Variants in MARCHF10 observed in about 807,000 individuals in gnomAD.
MARCHF10 encodes probable E3 ubiquitin-protein ligase MARCHF10.
A neutral mutation model predicts 76.2 loss-of-function variants in MARCHF10; 64 were observed. The observed-to-expected ratio is 0.84, with a 90% CI of 0.69 to 1.03. The LOEUF is 1.03. Ranked by LOEUF, MARCHF10 falls within the 50% of genes least tolerant of loss-of-function variation. The pLI is 0.00. For missense variants in MARCHF10, 875 were observed against 958.0 expected (o/e 0.91, Z 1.14); for synonymous variants, 340 against 357.5 (o/e 0.95, Z 0.55).
intron 5 of MARCHF10, among the ~76,000 whole-genome samples, chr17:62,743,303 AAC>A (rs1453525645): frequency 6.6e-6 from 1 of 152,166 alleles, no homozygotes; most frequent in Non-Finnish European, 1.5e-5. Context: ...TCAAAATACT[AAC>A]ACATTCTTCA....
intron 4 of MARCHF10, among the ~76,000 whole-genome samples, chr17:62,752,559 A>G (rs2091927910): frequency 6.6e-6 from 1 of 150,876 alleles, no homozygotes; most frequent in Non-Finnish European, 1.5e-5. Context: ...CCTTATCCCT[A>G]CATCCAAGTC....
At chr17:62,796,428 A>G (rs2092986953) in intron 2 of MARCHF10, among the ~76,000 whole-genome samples, 1 of 152,226 alleles carries the variant, frequency 6.6e-6, no homozygotes, top group African/African-American at 2.4e-5. Flanking sequence ...TACTTACTTC[A>G]ATGATATTTA....
chr17:62,714,769 A>G (rs779664625), intron 8 of MARCHF10, among the ~76,000 whole-genome samples: 3 of 151,700 alleles, frequency 2.0e-5, no homozygotes, highest in Non-Finnish European at 2.9e-5. Flanking sequence ...TTTTTTTGAG[A>G]CAGTCTCACT....
chr17:62,766,495 C>T (rs927191452), intron 3 of MARCHF10, among the ~76,000 whole-genome samples: 13 of 150,764 alleles, frequency 8.6e-5, no homozygotes, highest in African/African-American at 2.9e-4. Flanking sequence ...AGCGAAACTC[C>T]GTCTCAAAAA....
intron 2 of MARCHF10, among the ~76,000 whole-genome samples, chr17:62,792,685 T>C (rs1439623914): frequency 6.1e-5 from 6 of 98,020 alleles, no homozygotes; most frequent in Non-Finnish European, 6.3e-5. Context: ...ACCACCTCCA[T>C]CACCACCATC....
intron 1 of MARCHF10, chr17:62,806,324 G>C (rs1273145091): frequency 6.6e-6 from 1 of 152,170 alleles, no homozygotes; most frequent in Non-Finnish European, 1.5e-5. Context: ...TTGAAGCCAA[G>C]AATTTTTCCC....
At chr17:62,791,229 T>C (rs1268561122) in intron 2 of MARCHF10, among the ~76,000 whole-genome samples, 1 of 152,216 alleles carries the variant, frequency 6.6e-6, no homozygotes, top group African/African-American at 2.4e-5. Context: ...CCAATCCTTT[T>C]ACAAGGACTT....
At chr17:62,766,730 G>A (rs535701374) in intron 3 of MARCHF10, among the ~76,000 whole-genome samples, 1 of 152,132 alleles carries the variant, frequency 6.6e-6, no homozygotes, top group African/African-American at 2.4e-5. Flanking sequence ...CTTCCTATTC[G>A]GAATAACAGG....
In MARCHF10 at chr17:62,730,891, TCAACAA is replaced by T. The variant is rs34266869; in HGVS notation, c.1937+5034_1937+5039del. Among the ~76,000 whole-genome samples the T allele has an allele frequency of 2.2e-3, 330 of 150,592 alleles. 2 individuals carry two copies. The highest frequency in any genetic ancestry group is 7.2e-3 in the African/African-American group (295 of 41,058). On this transcript the variant is annotated intron_variant, in intron 6 of 10. Transcript: ENST00000311269. ...CTGGGCAACAGAGCGAGACTCCATCTCAACAACAACAACAACAACAACAACGACAAC... is the reference window on the plus strand; with the variant it reads ...CTGGGCAACAGAGCGAGACTCCATCTCAACAACAACAACAACAACGACAAC...
chr17:62,753,657 A>C (rs578017474), intron 4 of MARCHF10, among the ~76,000 whole-genome samples: 69 of 152,268 alleles, frequency 4.5e-4, no homozygotes, highest in African/African-American at 1.6e-3. Context: ...CACACTCAGT[A>C]CCTGCTGCCA....
Position 62,705,543 on chromosome 17 carries a change from ATTTTCCTCTGTTCTGGGTT to A in MARCHF10, c.2348_2366del (p.Gln783LeufsTer52). 1 of 1,614,010 alleles carries A rather than the reference ATTTTCCTCTGTTCTGGGTT, an allele frequency of 6.2e-7. No homozygotes were observed. The highest frequency in any genetic ancestry group is 8.5e-7 in the Non-Finnish European group (1 of 1,179,984). On this transcript the variant is annotated frameshift_variant, in exon 10 of 11. Transcript: ENST00000311269. LOFTEE classifies it high-confidence loss of function. ...GGACTGGCCCCCAAAACCTACTTTCATTTTCCTCTGTTCTGGGTTGTGGGTAATTTCTTGACAACTACAA... is the reference window on the plus strand; with the variant it reads ...GGACTGGCCCCCAAAACCTACTTTCAGTGGGTAATTTCTTGACAACTACAA...
At chr17:62,793,282 C>T (rs1329855643) in intron 2 of MARCHF10, among the ~76,000 whole-genome samples, 1 of 143,410 alleles carries the variant, frequency 7.0e-6, no homozygotes, top group South Asian at 2.3e-4. Flanking sequence ...CCACAACCAT[C>T]ACCACCCACC....
intron 5 of MARCHF10, among the ~76,000 whole-genome samples, chr17:62,740,847 T>C (rs1558240): frequency 0.36 from 54,612 of 151,908 alleles, 10,441 homozygotes; most frequent in East Asian, 0.73. Flanking sequence ...AGTCTGGTCT[T>C]GAACCTCTGG....
rs114433548 is a variant in MARCHF10, at chr17:62,806,957, G to T, written c.-18+1120C>A. Among the ~76,000 whole-genome samples the T allele has an allele frequency of 3.6e-3, 542 of 152,290 alleles. 4 individuals are homozygous for T. The highest frequency in any genetic ancestry group is 0.012 in the African/African-American group (513 of 41,560). ...AGAAAGACATCACTAAAGTTAATAT[G>T]CTGTTAAGCAATAAAGGAAATGTAA... On this transcript the variant is annotated intron_variant, in intron 1 of 10. Transcript: ENST00000311269.
rs540632023 is a variant in MARCHF10 at position 62,728,591 on chromosome 17, G to C, written c.1938-3487C>G. Among the ~76,000 whole-genome samples the C allele has an allele frequency of 4.4e-4, 67 of 152,264 alleles. 3 individuals are homozygous for C. The South Asian group carries it at 0.013, about 29-fold the overall frequency. ...GAAATGAATTGTTTAACGAAGGGAG[G>C]AGGTAATTCTCAGGAGGATTCAGAG... On this transcript the variant is annotated intron_variant, in intron 6 of 10. Transcript: ENST00000311269.
Position 62,787,931 on chromosome 17 carries a change from GTTA to G in MARCHF10, c.210+546_210+548del, listed in dbSNP as rs554931164. Among the ~76,000 whole-genome samples, 93 of 152,040 alleles carry G rather than the reference GTTA, an allele frequency of 6.1e-4. No individual in the cohort carries two copies. In the Middle Eastern group the frequency reaches 0.01, roughly 17 times the overall value. On this transcript the variant is annotated intron_variant, in intron 3 of 10. Coordinates refer to ENST00000311269, the MANE Select transcript of MARCHF10 (RefSeq NM_152598.4). The stretch of plus-strand genomic sequence containing the variant: ...CTATTATTAATCATATTATCATATT[GTTA>G]TTATCACATTGTTATATCATTCTAA...
intron 3 of MARCHF10, among the ~76,000 whole-genome samples, chr17:62,782,342 G>GTTTTT (rs1386514618): frequency 9.0e-6 from 1 of 111,656 alleles, no homozygotes; most frequent in Non-Finnish European, 1.7e-5. Flanking sequence ...GCAAACAACT[G>GTTTTT]TTCTTTTTTT....
intron 4 of MARCHF10, among the ~76,000 whole-genome samples, chr17:62,758,368 AAAC>A (rs1371260232): frequency 2.6e-5 from 4 of 152,138 alleles, no homozygotes; most frequent in East Asian, 1.9e-4. Context: ...AAACAAACAA[AAAC>A]AACAACAACA....
chr17:62,704,837 T>C, intron 10 of MARCHF10: 1 of 740,634 alleles, frequency 1.4e-6, no homozygotes, highest in Non-Finnish European at 1.6e-6. Context: ...GGGACCCAGT[T>C]GTCACACACC....
Sources: gnomAD v4.1 joint callset for allele counts (sites outside exome capture counted in the v4.1 genomes callset) on GRCh38, gnomAD v4.1.1 for gene constraint, MANE v1.5 for transcripts, NCBI Gene and HGNC (gene_info 2026-07-23, HGNC 2026-07-21) for gene names.